EPS15: variants seen among roughly 807,000 people sequenced by gnomAD.
The protein encoded by EPS15 is epidermal growth factor receptor pathway substrate 15.
A neutral mutation model predicts 113.8 loss-of-function variants in EPS15; 72 were observed. The observed-to-expected ratio is 0.63, with a 90% CI of 0.52 to 0.77. The LOEUF (loss-of-function observed/expected upper bound fraction) is 0.77, where lower values mean the gene tolerates loss of function less well. EPS15 is among the 30% of genes least tolerant of loss of function. The pLI is 0.00. For synonymous variants in EPS15, 344 were observed against 363.4 expected (o/e 0.95, Z 0.61); for missense variants, 1,048 against 1,045.8 (o/e 1.00, Z -0.03).
In EPS15 at chr1:51,444,922, C is replaced by T. The variant is rs766935399; in HGVS notation, c.921G>A (p.Met307Ile). ...AACTGGCCCTGTCTGATGGTGGAAT[C>T]ATTTCAGGAGTAAGAACGTGAGGAG... Reference protein sequence around the residue: ...IDPPHVLTPEMIPPSDRASLQ... With the variant: ...IDPPHVLTPEIIPPSDRASLQ... Residue 307 changes from methionine (M) to isoleucine (I), a missense_variant, in exon 11 of 25, where the codon ATG (methionine) becomes ATA (isoleucine). By Grantham distance (10) the Met-to-Ile change is conservative. Coordinates refer to ENST00000371733, the MANE Select transcript of EPS15 (RefSeq NM_001981.3). 36 of 1,613,918 alleles carry T rather than the reference C, an allele frequency of 2.2e-5. No individual in the cohort carries two copies. The South Asian group carries it at 3.7e-4, about 17-fold the overall frequency.
At chr1:51,377,247 A>G (rs976576191) in intron 21 of EPS15, among the ~76,000 whole-genome samples, 1 of 152,242 alleles carries the variant, frequency 6.6e-6, no homozygotes, top group African/African-American at 2.4e-5. Flanking sequence ...CTGGGCAACA[A>G]GAGTGAAACT....
intron 2 of EPS15, among the ~76,000 whole-genome samples, chr1:51,478,387 G>A (rs1643955192): frequency 6.6e-6 from 1 of 152,164 alleles, no homozygotes; most frequent in Non-Finnish European, 1.5e-5. Context: ...ACAGCACACT[G>A]ATGGGTCTTG....
Position 51,400,919 on chromosome 1 carries a change from G to T in EPS15, c.1917C>A (p.Ile639=). The change falls in exon 19 of 25, where the codon ATC becomes ATA. Residue 639 remains isoleucine, a splice_region_variant and synonymous_variant. Transcript: ENST00000371733. ...GATGAAACTCAATAAGATACTGACC[G>T]ATTTTTCCAAAAGGATCATCCTTGA... ...DPFKDDPFGK[I]DPFGGDPFKG... 6.3e-7 allele frequency: 1 copy of T among 1,579,194 alleles called. No individual in the cohort carries two copies.
intron 21 of EPS15, among the ~76,000 whole-genome samples, chr1:51,366,747 T>C (rs1373154794): frequency 6.6e-6 from 1 of 152,220 alleles, no homozygotes; most frequent in Non-Finnish European, 1.5e-5. Context: ...TCAAGACATA[T>C]TTCAAATGCT....
chr1:51,450,534 T>C (rs1027563956), intron 8 of EPS15, among the ~76,000 whole-genome samples: 1 of 152,030 alleles, frequency 6.6e-6, no homozygotes, highest in South Asian at 2.1e-4. Flanking sequence ...GAAATATACA[T>C]GTTAATAAAC....
intron 1 of EPS15, among the ~76,000 whole-genome samples, chr1:51,503,151 A>T (rs188000780): frequency 1.3e-5 from 2 of 152,358 alleles, no homozygotes; most frequent in Admixed American, 1.3e-4. Context: ...AGTTAAAAAT[A>T]AAAAGGAAAA....
chr1:51,408,132 T>G lies in EPS15; in HGVS notation c.1473+3A>C. 6.2e-7 allele frequency: 1 copy of G among 1,613,174 alleles called. No individual in the cohort carries two copies. Among genetic ancestry groups the G allele is most frequent in the Non-Finnish European group, 8.5e-7 (1 of 1,179,094 alleles). On this transcript the variant is annotated splice_donor_region_variant and intron_variant, in intron 15 of 24. Transcript: ENST00000371733. ...ATATATTTCTTGCTTTACAAAGACTTACTGAACTAATTTCCTGTTGTGAAT... is the reference window on the plus strand; with the variant it reads ...ATATATTTCTTGCTTTACAAAGACTGACTGAACTAATTTCCTGTTGTGAAT...
chr1:51,365,837 G>A, intron 22 of EPS15, 116 bp downstream of exon 22: 1 of 588,882 alleles, frequency 1.7e-6, no homozygotes, highest in South Asian at 2.6e-5. Flanking sequence ...AACATTTGCT[G>A]TGATTTACTG....
intron 11 of EPS15, among the ~76,000 whole-genome samples, chr1:51,441,525 ACAGAAC>A (rs1652597155): frequency 1.3e-5 from 2 of 152,104 alleles, no homozygotes; most frequent in African/African-American, 2.4e-5. Flanking sequence ...ACTTTATATA[ACAGAAC>A]ATAAGACTTT....
intron 21 of EPS15, among the ~76,000 whole-genome samples, chr1:51,375,162 C>T (rs189600124): frequency 0.016 from 2,448 of 151,762 alleles, 27 homozygotes; most frequent in Non-Finnish European, 0.025. Flanking sequence ...CCACCACGCC[C>T]GGCTAATTTT....
In EPS15 at chr1:51,408,186, C is replaced by A. The variant is rs1205196906; in HGVS notation, c.1422G>T (p.Gln474His). 1.2e-6 allele frequency: 2 copies of A among 1,614,006 alleles called. No individual in the cohort carries two copies. The highest frequency in any genetic ancestry group is 1.1e-5 in the South Asian group (1 of 91,084). ...LEESVESGKAQLEPLQQHLQD... is the reference protein window; with the variant it reads ...LEESVESGKAHLEPLQQHLQD... ...GTAGGTGCTGCTGAAGAGGTTCCAA[C>A]TGAGCCTTCCCTGACTCTACACTCT... The change falls in exon 15 of 25, where the codon CAG (glutamine) becomes CAT (histidine). Residue 474 changes from glutamine to histidine, a missense_variant. Physicochemically the swap from Gln to His is conservative, Grantham distance 24. Coordinates refer to ENST00000371733, the MANE Select transcript of EPS15 (RefSeq NM_001981.3).
At chr1:51,487,595 T>A (rs1644149048) in intron 1 of EPS15, among the ~76,000 whole-genome samples, 1 of 152,138 alleles carries the variant, frequency 6.6e-6, no homozygotes. Flanking sequence ...ATATGTTCCC[T>A]CAATAATAAA....
chr1:51,468,582 G>C lies in EPS15; in HGVS notation c.214-14C>G. The C allele has an allele frequency of 1.9e-6, 3 of 1,575,242 alleles. No homozygotes were observed. Among genetic ancestry groups the C allele is most frequent in the Non-Finnish European group, 2.6e-6 (3 of 1,146,098 alleles). On this transcript the variant is annotated splice_polypyrimidine_tract_variant and intron_variant, in intron 4 of 24. Transcript: ENST00000371733. ...AACAAAGAATTCCTAAGAAAGAAAA[G>C]TATGAATGTTAAGAGCATTCTCCCT...
intron 24 of EPS15, among the ~76,000 whole-genome samples, chr1:51,358,523 T>C (rs926879663): frequency 6.6e-6 from 1 of 152,170 alleles, no homozygotes; most frequent in African/African-American, 2.4e-5. Flanking sequence ...GCTTTTGAAA[T>C]GGTAGTTTTT....
intron 21 of EPS15, among the ~76,000 whole-genome samples, chr1:51,385,960 T>A (rs554873902): frequency 6.6e-6 from 1 of 152,262 alleles, no homozygotes; most frequent in African/African-American, 2.4e-5. Context: ...TGGATGGTGG[T>A]GATGATTGCA....
At chr1:51,378,052 C>T (rs900946507) in intron 21 of EPS15, among the ~76,000 whole-genome samples, 16 of 151,966 alleles carry the variant, frequency 1.1e-4, no homozygotes, top group African/African-American at 3.4e-4. Flanking sequence ...CCCGCCACCA[C>T]GCCTGGCTAA....
intron 5 of EPS15, among the ~76,000 whole-genome samples, chr1:51,468,158 G>A (rs951955645): frequency 2.0e-5 from 3 of 151,884 alleles, no homozygotes; most frequent in African/African-American, 7.3e-5. Flanking sequence ...TGGGGGTCTC[G>A]CTTTGTTTCC....
intron 10 of EPS15, among the ~76,000 whole-genome samples, chr1:51,446,753 C>T (rs1432894510): frequency 6.6e-6 from 1 of 152,148 alleles, no homozygotes; most frequent in South Asian, 2.1e-4. Context: ...CCATGCCCAG[C>T]GGATGCTGTC....
chr1:51,397,956 C>T (rs1434267459), intron 20 of EPS15, among the ~76,000 whole-genome samples: 1 of 152,118 alleles, frequency 6.6e-6, no homozygotes, highest in African/African-American at 2.4e-5. Flanking sequence ...AAAACCATTC[C>T]TAACTATTGA....
Sources: allele counts gnomAD v4.1 joint callset (sites outside exome capture counted in the v4.1 genomes callset), GRCh38; gene constraint gnomAD v4.1.1; transcripts MANE v1.5; gene names NCBI Gene and HGNC (gene_info 2026-07-23, HGNC 2026-07-21).